Variants in EHHADH observed in about 807,000 individuals in gnomAD.
The protein encoded by EHHADH is enoyl-CoA hydratase and 3-hydroxyacyl CoA dehydrogenase.
A neutral mutation model predicts 64.4 loss-of-function variants in EHHADH; 48 were observed. The ratio of observed to expected loss-of-function variants is 0.75; its 90% CI spans 0.59 to 0.95. The LOEUF is 0.95. EHHADH is among the 40% of genes least tolerant of loss of function. The probability of loss-of-function intolerance (pLI) is 0.00; values close to 1 mark genes in which losing one functional copy is unlikely to be tolerated. For synonymous variants in EHHADH, 308 were observed against 326.7 expected, an observed-to-expected ratio of 0.94 and a Z score of 0.62; for missense variants, 854 against 876.6, an observed-to-expected ratio of 0.97 and a Z score of 0.33.
At chr3:185,238,807 T>C (rs1719371250) in intron 2 of EHHADH, among the ~76,000 whole-genome samples, 2 of 152,164 alleles carry the variant, frequency 1.3e-5, no homozygotes, top group African/African-American at 4.8e-5. Flanking sequence ...TAAGTCCCAT[T>C]CATCTATTTT....
intron 6 of EHHADH, 99 bp from the exon 7 acceptor site, chr3:185,193,586 T>G: frequency 7.3e-7 from 1 of 1,371,526 alleles, no homozygotes; most frequent in Non-Finnish European, 9.9e-7. Context: ...ATGTGGCATT[T>G]AAAGAGATTG....
intron 5 of EHHADH, among the ~76,000 whole-genome samples, chr3:185,208,463 T>C (rs928242404): frequency 1.3e-5 from 2 of 152,222 alleles, no homozygotes; most frequent in Non-Finnish European, 2.9e-5. Context: ...CACTAAGTTT[T>C]GGGGTCATTT....
intron 5 of EHHADH, among the ~76,000 whole-genome samples, chr3:185,214,879 T>C (rs1308359261): frequency 6.6e-6 from 1 of 152,252 alleles, no homozygotes; most frequent in East Asian, 1.9e-4. Context: ...TATTACTGTA[T>C]ACAAATCTTT....
At chr3:185,246,061 CTTCTTT>C (rs1719586394) in intron 2 of EHHADH, 2 of 1,259,876 alleles carry the variant, frequency 1.6e-6, no homozygotes, top group African/African-American at 1.5e-5. Context: ...ACTTGACATT[CTTCTTT>C]TTCTTCTTTT....
At position 185,193,201 on chromosome 3, in the gene EHHADH, C is replaced by T; in HGVS notation, c.1197G>A (p.Val399=). The change falls in exon 7 of 7, where the codon GTG becomes GTA. Residue 399 remains valine, a synonymous_variant. Coordinates refer to ENST00000231887, the MANE Select transcript of EHHADH (RefSeq NM_001966.4). ...TGCACAAAAATGCTTCTGGTTTGCA[C>T]ACAGCTGAGAGTTCAGCAAAGACCT... ...KKQVFAELSA[V]CKPEAFLCTN... 6.2e-7 allele frequency: 1 copy of T among 1,612,188 alleles called. No homozygotes were observed.
At chr3:185,204,380 A>C in intron 6 of EHHADH, 36 bp downstream of exon 6, 1 of 1,547,870 alleles carries the variant, frequency 6.5e-7, no homozygotes, top group Non-Finnish European at 8.7e-7. Context: ...ACATGAGCAG[A>C]TTTGGAGGAT....
At chr3:185,243,066 A>G (rs999169052) in intron 2 of EHHADH, among the ~76,000 whole-genome samples, 4 of 152,158 alleles carry the variant, frequency 2.6e-5, no homozygotes, top group African/African-American at 9.7e-5. Context: ...TGTATTTCAC[A>G]TGGCTCTCTA....
At chr3:185,201,105 G>C (rs994063599) in intron 6 of EHHADH, among the ~76,000 whole-genome samples, 1 of 152,198 alleles carries the variant, frequency 6.6e-6, no homozygotes, top group African/African-American at 2.4e-5. Flanking sequence ...GTAGTGAAGA[G>C]AGGGGTTTCA....
intron 4 of EHHADH, among the ~76,000 whole-genome samples, chr3:185,221,012 T>C (rs959797075): frequency 6.6e-6 from 1 of 152,240 alleles, no homozygotes; most frequent in Admixed American, 6.5e-5. Flanking sequence ...ATATTCTTAC[T>C]GTTTTTACCT....
intron 1 of EHHADH, among the ~76,000 whole-genome samples, chr3:185,250,625 C>G (rs556199034): frequency 8.5e-5 from 13 of 152,180 alleles, no homozygotes; most frequent in Non-Finnish European, 1.9e-4. Flanking sequence ...CAACAACAAA[C>G]TTCTGTAAAG....
intron 1 of EHHADH, among the ~76,000 whole-genome samples, chr3:185,249,195 C>G (rs961313028): frequency 2.6e-5 from 4 of 151,956 alleles, no homozygotes; most frequent in African/African-American, 9.7e-5. Flanking sequence ...GTGGCGCGAT[C>G]TGGGCTCACT....
In EHHADH at chr3:185,218,193, T is replaced by G; in HGVS notation, c.511A>C (p.Lys171Gln). ...TCAACCGGGTCTGAGTTTACAACTT[T>G]ATCTAGAATGCCCAGCTTGAGTGCT... ...DEALKLGILD[K>Q]VVNSDPVEEA... Residue 171 changes from lysine (K) to glutamine (Q), a missense_variant, in exon 5 of 7, where the codon AAA becomes CAA. Lys to Gln is a moderately conservative substitution (Grantham distance 53). Coordinates refer to ENST00000231887, the MANE Select transcript of EHHADH (RefSeq NM_001966.4). The G allele has an allele frequency of 1.2e-6, 2 of 1,607,470 alleles. No individual in the cohort carries two copies. The highest frequency in any genetic ancestry group is 1.7e-6 in the Non-Finnish European group (2 of 1,177,886).
Position 185,240,949 on chromosome 3 carries a change from T to G in EHHADH, c.179-5487A>C, listed in dbSNP as rs1719432465. 4.6e-5 allele frequency among the ~76,000 whole-genome samples: 7 copies of G among 152,070 alleles called. No individual in the cohort carries two copies. The South Asian group carries it at 1.5e-3, about 32-fold the overall frequency. The stretch of plus-strand genomic sequence containing the variant: ...CACTGTATTTGTAGTCTTTTATCCC[T>G]TGCCCCACTCCCACCCTTCCCCCCC... On this transcript the variant is annotated intron_variant, in intron 2 of 6. Coordinates refer to ENST00000231887, the MANE Select transcript of EHHADH (RefSeq NM_001966.4).
At chr3:185,246,411 T>C in intron 2 of EHHADH, 2 of 581,174 alleles carry the variant, frequency 3.4e-6, no homozygotes, top group Non-Finnish European at 5.5e-6. Flanking sequence ...TTGCTCACAG[T>C]AGGATCAAAA....
At chr3:185,207,328 C>T (rs1352964397) in intron 5 of EHHADH, among the ~76,000 whole-genome samples, 1 of 151,980 alleles carries the variant, frequency 6.6e-6, no homozygotes, top group Non-Finnish European at 1.5e-5. Context: ...GGGATATTAC[C>T]CTGTGTTATC....
At chr3:185,203,279 A>C (rs1260492888) in intron 6 of EHHADH, among the ~76,000 whole-genome samples, 1 of 152,092 alleles carries the variant, frequency 6.6e-6, no homozygotes, top group East Asian at 1.9e-4. Context: ...AATATAGTAA[A>C]ACGTTAACAT....
At chr3:185,235,593 T>G (rs1257870374) in intron 2 of EHHADH, 131 bp from the exon 3 acceptor site, 1 of 756,760 alleles carries the variant, frequency 1.3e-6, no homozygotes, top group Non-Finnish European at 1.9e-6. Context: ...TTAGAGTTCC[T>G]GATGACTAAA....
At chr3:185,246,875 A>G (rs1306396543) in intron 2 of EHHADH, among the ~76,000 whole-genome samples, 15 of 152,078 alleles carry the variant, frequency 9.9e-5, no homozygotes, top group Admixed American at 9.8e-4. Context: ...TATATTTTTA[A>G]AGCTATAAAT....
At chr3:185,236,081 T>A (rs916343427) in intron 2 of EHHADH, among the ~76,000 whole-genome samples, 1 of 152,216 alleles carries the variant, frequency 6.6e-6, no homozygotes, top group Non-Finnish European at 1.5e-5. Context: ...ATGGAAAATT[T>A]GAAAACCACG....
Sources: allele counts gnomAD v4.1 joint callset (sites outside exome capture counted in the v4.1 genomes callset), GRCh38; gene constraint gnomAD v4.1.1; transcripts MANE v1.5; gene names NCBI Gene and HGNC (gene_info 2026-07-23, HGNC 2026-07-21).